ELFN1: variants seen among roughly 807,000 people sequenced by gnomAD.
The protein encoded by ELFN1 is protein ELFN1.
In ELFN1, 6 loss-of-function variants were observed where a neutral mutation model predicts 7.6. That is an observed-to-expected ratio of 0.79 (90% CI 0.43 to 1.56). ELFN1 has a LOEUF of 1.56. Among genes scored for constraint, ELFN1 ranks in the 40% most tolerant of loss-of-function variants. The pLI, the probability that ELFN1 is intolerant of heterozygous loss-of-function variation, is 0.01. For missense variants in ELFN1, 1,169 were observed against 1,232.2 expected (o/e 0.95, Z 0.77); for synonymous variants, 657 against 588.1 (o/e 1.12, Z -1.70).
rs1323402700 is a variant in ELFN1, at chr7:1,744,935, G to A, written c.339G>A (p.Leu113=). Residue 113 remains leucine (L), a synonymous_variant, in exon 4 of 4, where the codon CTG becomes CTA. Transcript: ENST00000424383. ...AFSGQFNLQV[L]QLGYNRLRNL... ...CGGGCCAGTTCAACCTGCAGGTGCT[G>A]CAGCTGGGCTACAACCGGCTGCGCA... 18 of 1,552,130 alleles carry A rather than the reference G, an allele frequency of 1.2e-5. No homozygotes were observed. The highest frequency in any genetic ancestry group is 1.6e-5 in the Non-Finnish European group (18 of 1,147,358).
chr7:1,698,104 A>G (rs1035215340), intron 2 of ELFN1, among the ~76,000 whole-genome samples: 3 of 152,242 alleles, frequency 2.0e-5, no homozygotes, highest in Admixed American at 2.0e-4. Context: ...GGCCTTCTTC[A>G]TCTCTCTAGG....
intron 2 of ELFN1, among the ~76,000 whole-genome samples, chr7:1,701,672 C>T (rs1562365944): frequency 6.6e-6 from 1 of 152,024 alleles, no homozygotes; most frequent in Non-Finnish European, 1.5e-5. Context: ...CACAGATGTG[C>T]ATGCTTGTAG....
chr7:1,713,032 C>T (rs540589022), intron 3 of ELFN1, among the ~76,000 whole-genome samples: 1 of 152,216 alleles, frequency 6.6e-6, no homozygotes, highest in African/African-American at 2.4e-5. Flanking sequence ...GATGCTGCAT[C>T]CATGTTAGTT....
intron 2 of ELFN1, among the ~76,000 whole-genome samples, chr7:1,707,437 A>C (rs1433311865): frequency 6.6e-6 from 1 of 152,158 alleles, no homozygotes. Flanking sequence ...TGGTGGGCAA[A>C]CGCCCTGCAT....
At chr7:1,677,030 G>A (rs1433416978) in intron 1 of ELFN1, among the ~76,000 whole-genome samples, 4 of 152,214 alleles carry the variant, frequency 2.6e-5, no homozygotes, top group Admixed American at 1.3e-4. Context: ...GGGTGCCGAC[G>A]CTGGCAGCGG....
At chr7:1,682,361 T>C (rs893318288) in intron 1 of ELFN1, among the ~76,000 whole-genome samples, 3 of 152,232 alleles carry the variant, frequency 2.0e-5, no homozygotes, top group Non-Finnish European at 4.4e-5. Flanking sequence ...CTACATCTTA[T>C]TGGAATCATA....
At position 1,670,855 on chromosome 7, in the gene ELFN1, C is replaced by A. The variant is rs1235093201; in HGVS notation, c.-549+501C>A. Among the ~76,000 whole-genome samples, 1 of 148,234 alleles carries A rather than the reference C, an allele frequency of 6.7e-6. No homozygotes were observed. The highest frequency in any genetic ancestry group is 1.5e-5 in the Non-Finnish European group (1 of 66,834). On this transcript the variant is annotated intron_variant, in intron 1 of 3. Coordinates refer to ENST00000424383, the MANE Select transcript of ELFN1 (RefSeq NM_001128636.4). The surrounding 1 kb of genome is among the most constrained non-coding windows in gnomAD (Gnocchi z 6.4). Reference sequence around the variant, plus strand: ...CCCGACGCTGCGAGCCTCCTCGCTCCGCGCGGGGACCGTCCAGTCACGCAC... The same window carrying A: ...CCCGACGCTGCGAGCCTCCTCGCTCAGCGCGGGGACCGTCCAGTCACGCAC...
intron 2 of ELFN1, among the ~76,000 whole-genome samples, chr7:1,697,332 C>T (rs1583331161): frequency 6.6e-6 from 1 of 152,234 alleles, no homozygotes; most frequent in Admixed American, 6.5e-5. Context: ...GGAACAGTCG[C>T]GCCCCTGCCC....
chr7:1,746,149 C>A lies in ELFN1; in HGVS notation c.1553C>A (p.Pro518His). Residue 518 changes from proline to histidine, a missense_variant, in exon 4 of 4, where the codon CCC becomes CAC. Transcript: ENST00000424383. ...AAGCTGGTGGAGAGCGCGGACACCC[C>A]CAAGGCCAGCAAGGGCAGCTACATG... ...QYKLVESADT[P>H]KASKGSYMEV... 2 of 1,549,208 alleles carry A rather than the reference C, an allele frequency of 1.3e-6. No homozygotes were observed. Among genetic ancestry groups the A allele is most frequent in the African/African-American group, 1.4e-5 (1 of 73,084 alleles).
rs751607437 is a variant in ELFN1, at chr7:1,729,256, A to T, written c.-293-15048A>T. 2.1e-4 allele frequency among the ~76,000 whole-genome samples: 32 copies of T among 152,176 alleles called. 1 individual carries two copies. Among genetic ancestry groups the T allele is most frequent in the South Asian group, 1.0e-3 (5 of 4,834 alleles). ...CTCCCCACCCACTCCCTCTTACTTG[A>T]GGACTTGGGTTTGGTGTGAGTCAGT... On this transcript the variant is annotated intron_variant, in intron 3 of 3. Transcript: ENST00000424383.
At chr7:1,701,134 C>A (rs1779420203) in intron 2 of ELFN1, among the ~76,000 whole-genome samples, 1 of 150,562 alleles carries the variant, frequency 6.6e-6, no homozygotes, top group East Asian at 1.9e-4. Flanking sequence ...CCTGTGTGTG[C>A]ATGTGTGTGT....
In ELFN1 at chr7:1,740,060, G is replaced by A. The variant is rs184825466; in HGVS notation, c.-293-4244G>A. Among the ~76,000 whole-genome samples, 1,378 of 152,322 alleles carry A rather than the reference G, an allele frequency of 9.0e-3. 51 individuals carry two copies. The highest frequency in any genetic ancestry group is 4.2e-3 in the Non-Finnish European group (286 of 68,024). ...GTGGCCACCCTGTTGGACAGCGCAA[G>A]TACAGAACCTCTGTGCATCCAAGAA... On this transcript the variant is annotated intron_variant, in intron 3 of 3. Coordinates refer to ENST00000424383, the MANE Select transcript of ELFN1 (RefSeq NM_001128636.4). The surrounding 1 kb of genome is among the most constrained non-coding windows in gnomAD (Gnocchi z 5.0).
Position 1,746,739 on chromosome 7 carries a change from C to A in ELFN1, c.2143C>A (p.Pro715Thr). The A allele has an allele frequency of 6.7e-7, 1 of 1,487,292 alleles. No homozygotes were observed. The highest frequency in any genetic ancestry group is 8.9e-7 in the Non-Finnish European group (1 of 1,125,592). 92.1% of individuals were successfully genotyped at this position (1,487,292 alleles called of 1,614,324 possible). A position where few individuals can be genotyped will look rare whatever the true frequency, so the allele number is the denominator to read the frequency against. The change falls in exon 4 of 4, where the codon CCA becomes ACA. Residue 715 changes from proline to threonine, a missense_variant. Physicochemically the swap from Pro to Thr is conservative, Grantham distance 38. Transcript: ENST00000424383. ...HSYPGSHPAEPPAPPGPPPPP... is the reference protein window; with the variant it reads ...HSYPGSHPAETPAPPGPPPPP... ...GTACCCCGGCTCCCACCCGGCCGAG[C>A]CACCTGCGCCCCCCGGGCCACCGCC...
At chr7:1,701,476 C>G (rs779578188) in intron 2 of ELFN1, among the ~76,000 whole-genome samples, 1 of 152,160 alleles carries the variant, frequency 6.6e-6, no homozygotes, top group Non-Finnish European at 1.5e-5. Flanking sequence ...TATATTCTTG[C>G]ATGAGTGGGA....
chr7:1,681,518 A>G (rs559663726), intron 1 of ELFN1, among the ~76,000 whole-genome samples: 1 of 152,286 alleles, frequency 6.6e-6, no homozygotes, highest in South Asian at 2.1e-4. Flanking sequence ...ACGCACCACC[A>G]TGCCCAGCTG....
rs1363879093 is a variant in ELFN1 at position 1,739,108 on chromosome 7, G to C, written c.-293-5196G>C. The C allele has an allele frequency of 1.3e-5, 2 of 152,136 alleles. No homozygotes were observed. The highest frequency in any genetic ancestry group is 1.5e-5 in the Non-Finnish European group (1 of 68,080). The allele number at this position is 152,136 out of a possible 1,614,324, so 9.4% of individuals were successfully genotyped here. A position where few individuals can be genotyped will look rare whatever the true frequency, so the allele number is the denominator to read the frequency against. On this transcript the variant is annotated intron_variant, in intron 3 of 3. Transcript: ENST00000424383. This position sits in a 1 kb window ranked among gnomAD's most constrained non-coding sequence, Gnocchi z 4.6. ...CAGTGGGCCCTGGAGATTGTGTCTG[G>C]AGGCCGGATTCTCCTCCACGCGTGG... is the stretch of plus-strand genomic sequence containing the variant.
rs1205750501 is a variant in ELFN1 at position 1,744,783 on chromosome 7, G to A, written c.187G>A (p.Val63Met). ...CCCACAGCAGATCAACAGCACCATC[G>A]TGGACCTGCGGCTCAACGAGAACCG... ...AIPQQINSTI[V>M]DLRLNENRIR... The change falls in exon 4 of 4, where the codon GTG (valine) becomes ATG (methionine). Residue 63 changes from valine (V) to methionine (M), a missense_variant. By Grantham distance (21) the Val-to-Met change is conservative. Transcript: ENST00000424383. 14 of 1,555,850 alleles carry A rather than the reference G, an allele frequency of 9.0e-6. No individual in the cohort carries two copies. Among genetic ancestry groups the A allele is most frequent in the South Asian group, 3.6e-5 (3 of 84,304 alleles).
rs1779513570 is a variant in ELFN1 at position 1,705,531 on chromosome 7, C to G, written c.-455-3560C>G. On this transcript the variant is annotated intron_variant, in intron 2 of 3. Coordinates refer to ENST00000424383, the MANE Select transcript of ELFN1 (RefSeq NM_001128636.4). The surrounding 1 kb of genome is among the most constrained non-coding windows in gnomAD (Gnocchi z 4.3). ...CCTGCCCGAGGGCACTGCTGGGCCC[C>G]CCTTCCGACGGCACACAGTGGGCAC... Among the ~76,000 whole-genome samples, 1 of 152,212 alleles carries G rather than the reference C, an allele frequency of 6.6e-6. No homozygotes were observed. Among genetic ancestry groups the G allele is most frequent in the Non-Finnish European group, 1.5e-5 (1 of 68,040 alleles).
rs1780750723 is a variant in ELFN1 at position 1,745,430 on chromosome 7, C to T, written c.834C>T (p.Pro278=). 6.5e-7 allele frequency: 1 copy of T among 1,539,494 alleles called. No individual in the cohort carries two copies. Among genetic ancestry groups the T allele is most frequent in the East Asian group, 2.4e-5 (1 of 40,904 alleles). ...GRSQPGRSPP[P]PPPPEPSDMP... ...CACAGCCGGGCCGCTCCCCGCCGCC[C>T]CCGCCTCCGCCGGAGCCCAGTGACA... Residue 278 remains proline (P), a synonymous_variant, in exon 4 of 4, where the codon CCC becomes CCT. Transcript: ENST00000424383.
Sources: allele counts gnomAD v4.1 joint callset (sites outside exome capture counted in the v4.1 genomes callset), GRCh38; gene constraint gnomAD v4.1.1; non-coding constraint Gnocchi (gnomAD v3.1); transcripts MANE v1.5; gene names NCBI Gene and HGNC (gene_info 2026-07-23, HGNC 2026-07-21).